Variants in ZNF554 observed in about 807,000 individuals in gnomAD.
ZNF554 encodes zinc finger protein 554.
ZNF554 carries 15 observed loss-of-function variants against 21.2 expected under a neutral mutation model. That is an observed-to-expected ratio of 0.71 (90% CI 0.47 to 1.09). The LOEUF is 1.09. Ranked by LOEUF, ZNF554 falls within the 50% of genes least tolerant of loss-of-function variation. The probability of loss-of-function intolerance (pLI) is 0.00; values close to 1 mark genes in which losing one functional copy is unlikely to be tolerated. For missense variants in ZNF554, 691 were observed against 662.7 expected, an observed-to-expected ratio of 1.04 and a Z score of -0.47; for synonymous variants, 258 against 251.4, an observed-to-expected ratio of 1.03 and a Z score of -0.25.
intron 4 of ZNF554, 93 bp downstream of exon 4, chr19:2,832,587 G>A: frequency 7.6e-7 from 1 of 1,318,902 alleles, no homozygotes. Flanking sequence ...GATTCTGTAA[G>A]GAGAATGCCA....
At chr19:2,822,597 T>C (rs950864496) in intron 1 of ZNF554, among the ~76,000 whole-genome samples, 2 of 152,066 alleles carry the variant, frequency 1.3e-5, no homozygotes, top group Non-Finnish European at 2.9e-5. Flanking sequence ...CCCCTGGCCA[T>C]GGATGTGTGT....
At position 2,833,963 on chromosome 19, in the gene ZNF554, A is replaced by G. The variant is rs779230339; in HGVS notation, c.728A>G (p.His243Arg). ...TCACAGGGAAGCTCTAAAGGGAACC[A>G]CTTGTGTGGCAGCGAGTTAGATATT... ...VLSQGSSKGN[H>R]LCGSELDITS... Residue 243 changes from histidine to arginine, a missense_variant, in exon 5 of 5, where the codon CAC becomes CGC. His to Arg is a conservative substitution (Grantham distance 29). Coordinates refer to ENST00000317243, the MANE Select transcript of ZNF554 (RefSeq NM_001102651.2). The G allele has an allele frequency of 6.2e-7, 1 of 1,614,114 alleles. No individual in the cohort carries two copies. The highest frequency in any genetic ancestry group is 8.5e-7 in the Non-Finnish European group (1 of 1,180,044).
intron 2 of ZNF554, 141 bp from the exon 3 acceptor site, chr19:2,827,476 C>G: frequency 2.0e-6 from 2 of 1,011,928 alleles, no homozygotes; most frequent in South Asian, 3.6e-5. Context: ...CAAGCACCCA[C>G]AAGGCAGCTA....
chr19:2,826,815 T>C (rs963569385), intron 2 of ZNF554, among the ~76,000 whole-genome samples: 3 of 151,994 alleles, frequency 2.0e-5, no homozygotes, highest in African/African-American at 7.2e-5. Context: ...GCGCCCGCCA[T>C]CATGCCCGGC....
At position 2,834,417 on chromosome 19, in the gene ZNF554, G is replaced by A. The variant is rs201076937; in HGVS notation, c.1182G>A (p.Ser394=). The change falls in exon 5 of 5, where the codon TCG becomes TCA. Residue 394 remains serine (S), a synonymous_variant. Coordinates refer to ENST00000317243, the MANE Select transcript of ZNF554 (RefSeq NM_001102651.2). The part of the protein sequence containing the change: ...ECGKAFNRIS[S]LTQHQRIHTG... ...GGAAAGCCTTCAACAGGATCTCATC[G>A]CTGACTCAGCATCAGAGGATTCACA... 27 of 1,613,674 alleles carry A rather than the reference G, an allele frequency of 1.7e-5. No homozygotes were observed. The highest frequency in any genetic ancestry group is 8.9e-5 in the East Asian group (4 of 44,852).
In ZNF554 at chr19:2,835,783, CT is replaced by C. The variant is rs2087491164; in HGVS notation, c.*934del. On this transcript the variant is annotated 3_prime_UTR_variant, in exon 5 of 5. Coordinates refer to ENST00000317243, the MANE Select transcript of ZNF554 (RefSeq NM_001102651.2). ...TTCTGTTTCTTAACTACTTCTGTGT[CT>C]TTACTTTTTATTTCATTGTTCATTG... 6.6e-6 allele frequency: 1 copy of C among 152,160 alleles called. No individual in the cohort carries two copies. The allele number at this position is 152,160 out of a possible 1,614,324, so 9.4% of individuals were successfully genotyped here.
intron 4 of ZNF554, 99 bp from the exon 5 acceptor site, chr19:2,833,582 G>A (rs1175090001): frequency 1.6e-5 from 16 of 1,009,302 alleles, no homozygotes; most frequent in East Asian, 2.5e-5. Flanking sequence ...ACATCAGTCC[G>A]CACAGGCCTT....
At position 2,827,411 on chromosome 19, in the gene ZNF554, G is replaced by T. The variant is rs549794941; in HGVS notation, c.127-206G>T. 1.2e-4 allele frequency among the ~76,000 whole-genome samples: 18 copies of T among 152,324 alleles called. No homozygotes were observed. In the South Asian group the frequency reaches 3.1e-3, roughly 26 times the overall value. On this transcript the variant is annotated intron_variant, in intron 2 of 4. Coordinates refer to ENST00000317243, the MANE Select transcript of ZNF554 (RefSeq NM_001102651.2). ...CCAGACCTGTGTGCTGGTCGTCCTT[G>T]TTGTGTTGATGGTGGGCCTAGGGTC...
chr19:2,822,939 G>T, intron 1 of ZNF554, 101 bp from the exon 2 acceptor site: 1 of 1,229,154 alleles, frequency 8.1e-7, no homozygotes. Flanking sequence ...TCTGTGTATG[G>T]GGGGCCCCTT....
Position 2,821,219 on chromosome 19 carries a change from T to G in ZNF554, c.53+1095T>G, listed in dbSNP as rs2087259206. 1.3e-5 allele frequency among the ~76,000 whole-genome samples: 2 copies of G among 151,790 alleles called. No homozygotes were observed. Among genetic ancestry groups the G allele is most frequent in the African/African-American group, 2.4e-5 (1 of 41,110 alleles). On this transcript the variant is annotated intron_variant, in intron 1 of 4. Coordinates refer to ENST00000317243, the MANE Select transcript of ZNF554 (RefSeq NM_001102651.2). This position sits in a 1 kb window ranked among gnomAD's most constrained non-coding sequence, Gnocchi z 8.2. Reference sequence around the variant, plus strand: ...CTCCTGCCTCAGCCTCCCAAGTAGCTGGGATTACAGGTGCACGCCACCCCG... The same window carrying G: ...CTCCTGCCTCAGCCTCCCAAGTAGCGGGGATTACAGGTGCACGCCACCCCG...
rs2087269926 is a variant in ZNF554 at position 2,821,948 on chromosome 19, T to C, written c.54-1092T>C. On this transcript the variant is annotated intron_variant, in intron 1 of 4. Coordinates refer to ENST00000317243, the MANE Select transcript of ZNF554 (RefSeq NM_001102651.2). The surrounding 1 kb of genome is among the most constrained non-coding windows in gnomAD (Gnocchi z 8.2). Reference sequence around the variant, plus strand: ...AAAATGCTGGGATTACAGACGTGAGTCACCTAGTCCAGCTGTCTCTTTCTC... The same window carrying C: ...AAAATGCTGGGATTACAGACGTGAGCCACCTAGTCCAGCTGTCTCTTTCTC... Among the ~76,000 whole-genome samples the C allele has an allele frequency of 6.6e-6, 1 of 151,886 alleles. No individual in the cohort carries two copies. Among genetic ancestry groups the C allele is most frequent in the African/African-American group, 2.4e-5 (1 of 41,324 alleles).
In ZNF554 at chr19:2,833,922, C is replaced by A. The variant is rs374467666; in HGVS notation, c.687C>A (p.Ser229Arg). 3.5e-5 allele frequency: 56 copies of A among 1,613,918 alleles called. No homozygotes were observed. Among genetic ancestry groups the A allele is most frequent in the Non-Finnish European group, 4.3e-5 (51 of 1,180,028 alleles). ...WHGFGENGNL[S>R]PALVLSQGSS... ...GATTTGGGGAAAATGGTAATCTGAG[C>A]CCAGCCCTTGTTTTATCACAGGGAA... Residue 229 changes from serine (S) to arginine (R), a missense_variant, in exon 5 of 5, where the codon AGC becomes AGA. Physicochemically the swap from Ser to Arg is moderately radical, Grantham distance 110. Coordinates refer to ENST00000317243, the MANE Select transcript of ZNF554 (RefSeq NM_001102651.2).
At chr19:2,823,854 G>A (rs1463238146) in intron 2 of ZNF554, among the ~76,000 whole-genome samples, 1 of 152,054 alleles carries the variant, frequency 6.6e-6, no homozygotes, top group Non-Finnish European at 1.5e-5. Flanking sequence ...ACTGGTTCAT[G>A]GGCGGCCATG....
At chr19:2,832,585 A>G in intron 4 of ZNF554, 91 bp downstream of exon 4, 1 of 1,334,276 alleles carries the variant, frequency 7.5e-7, no homozygotes, top group Admixed American at 2.6e-5. Flanking sequence ...CTGATTCTGT[A>G]AGGAGAATGC....
At chr19:2,825,035 C>T (rs1406578973) in intron 2 of ZNF554, among the ~76,000 whole-genome samples, 1 of 108,660 alleles carries the variant, frequency 9.2e-6, no homozygotes, top group Admixed American at 1.2e-4. Context: ...TTTTTTGAGA[C>T]AAGGTCTTGC....
intron 3 of ZNF554, 126 bp from the exon 4 acceptor site, chr19:2,832,177 C>T (rs747838234): frequency 2.5e-5 from 22 of 875,706 alleles, no homozygotes; most frequent in Admixed American, 1.5e-4. Context: ...CCGCCTGCCT[C>T]GGCCTCCCAA....
In ZNF554 at chr19:2,820,013, G is replaced by A. The variant is rs546743010; in HGVS notation, c.-59G>A. The A allele has an allele frequency of 1.4e-3, 1,678 of 1,177,590 alleles. No homozygotes were observed. The highest frequency in any genetic ancestry group is 1.6e-3 in the Non-Finnish European group (1,492 of 948,604). The allele number at this position is 1,177,590 out of a possible 1,614,324, so 72.9% of individuals were successfully genotyped here. On this transcript the variant is annotated 5_prime_UTR_variant, in exon 1 of 5. Coordinates refer to ENST00000317243, the MANE Select transcript of ZNF554 (RefSeq NM_001102651.2). ...CAGGGACACGCAGGGGAGGCCGGCCGGCCTGCACGGGGCGCTCCCGCCTCG... is the reference window on the plus strand; with the variant it reads ...CAGGGACACGCAGGGGAGGCCGGCCAGCCTGCACGGGGCGCTCCCGCCTCG...
intron 3 of ZNF554, among the ~76,000 whole-genome samples, chr19:2,829,856 C>T (rs552034981): frequency 6.6e-6 from 1 of 152,218 alleles, no homozygotes; most frequent in African/African-American, 2.4e-5. Context: ...CCCTCCCCAG[C>T]CCCTCCTTCA....
intron 1 of ZNF554, among the ~76,000 whole-genome samples, chr19:2,822,026 T>C (rs999100106): frequency 6.6e-6 from 1 of 152,242 alleles, no homozygotes; most frequent in Admixed American, 6.5e-5. Context: ...GAAGGATTTT[T>C]CCTGAGAGCT....
Sources: gnomAD v4.1 joint callset for allele counts (sites outside exome capture counted in the v4.1 genomes callset) on GRCh38, gnomAD v4.1.1 for gene constraint, Gnocchi (gnomAD v3.1) non-coding constraint, MANE v1.5 for transcripts, NCBI Gene and HGNC (gene_info 2026-07-23, HGNC 2026-07-21) for gene names.